Variants in BRCA2 observed in about 807,000 individuals in gnomAD.
BRCA2 encodes the protein breast cancer type 2 susceptibility protein.
Under a neutral mutation model 276.7 loss-of-function variants are expected in BRCA2, and 203 were observed. The ratio of observed to expected loss-of-function variants is 0.73; its 90% confidence interval spans 0.65 to 0.82. The LOEUF is 0.82. Ranked by LOEUF, BRCA2 falls within the 40% of genes least tolerant of loss-of-function variation. The pLI is 0.00. For missense variants in BRCA2, 3,920 were observed against 3,915.0 expected (o/e 1.00, Z -0.03); for synonymous variants, 1,289 against 1,338.4 (o/e 0.96, Z 0.81).
chr13:32,387,438 C>T (rs570300726), intron 24 of BRCA2, among the ~76,000 whole-genome samples: 1 of 152,260 alleles, frequency 6.6e-6, no homozygotes, highest in African/African-American at 2.4e-5. Context: ...GTCACGCCCG[C>T]ATAAGGGCCA....
intron 13 of BRCA2, among the ~76,000 whole-genome samples, chr13:32,352,037 G>T (rs1191239023): frequency 6.6e-6 from 1 of 152,016 alleles, no homozygotes; most frequent in Non-Finnish European, 1.5e-5. Context: ...TCCTGACCTC[G>T]TGATCCGCCC....
rs763472879 is a variant in BRCA2 at position 32,398,807 on chromosome 13, A to T, written c.*37A>T. 6.2e-7 allele frequency: 1 copy of T among 1,606,856 alleles called. No homozygotes were observed. Among genetic ancestry groups the T allele is most frequent in the East Asian group, 2.2e-5 (1 of 44,780 alleles). On this transcript the variant is annotated 3_prime_UTR_variant, in exon 27 of 27. Coordinates refer to ENST00000380152, the MANE Select transcript of BRCA2 (RefSeq NM_000059.4). ...GGCGACAATAAATTATTGACGCTTA[A>T]CCTTTCCAGTTTATAAGACTGGAAT... is the stretch of plus-strand genomic sequence containing the variant.
chr13:32,328,535 T>C (rs1406136676), intron 7 of BRCA2, among the ~76,000 whole-genome samples: 2 of 152,206 alleles, frequency 1.3e-5, no homozygotes, highest in African/African-American at 4.8e-5. Flanking sequence ...GGCCAGATCA[T>C]TGTTTCTCAA....
intron 24 of BRCA2, among the ~76,000 whole-genome samples, chr13:32,383,004 C>T (rs553615476): frequency 6.6e-6 from 1 of 152,260 alleles, no homozygotes; most frequent in East Asian, 1.9e-4. Context: ...TTGTGGCAGA[C>T]CTCTTTTGAT....
At position 32,339,330 on chromosome 13, in the gene BRCA2, T is replaced by C; in HGVS notation, c.4975T>C (p.Ser1659Pro). Residue 1659 changes from serine to proline, a missense_variant, in exon 11 of 27, where the codon TCC becomes CCC. Around this residue, in one of 2 missense-constraint regions of BRCA2, gnomAD observed 3,263 missense variants for 3,156.9 expected, o/e 1.03. Coordinates refer to ENST00000380152, the MANE Select transcript of BRCA2 (RefSeq NM_000059.4). ...KSPATCYTNQ[S>P]PYSVIENSAL... ...TCCTGCAACTTGTTACACAAATCAG[T>C]CCCCTTATTCAGTCATTGAAAATTC... The C allele has an allele frequency of 6.3e-7, 1 of 1,592,396 alleles. No homozygotes were observed. The highest frequency in any genetic ancestry group is 1.4e-5 in the African/African-American group (1 of 73,724).
intron 11 of BRCA2, among the ~76,000 whole-genome samples, chr13:32,341,658 A>C (rs2072571209): frequency 1.3e-5 from 2 of 152,068 alleles, no homozygotes; most frequent in Non-Finnish European, 2.9e-5. Flanking sequence ...CGAGGTCAGG[A>C]GATCGAGACC....
At chr13:32,396,855 G>A (rs2137658471) in intron 25 of BRCA2, 43 bp from the exon 26 acceptor site, 1 of 1,610,070 alleles carries the variant, frequency 6.2e-7, no homozygotes, top group East Asian at 2.2e-5. Flanking sequence ...ATAAATATGT[G>A]GGTTTGCAAT....
chr13:32,319,101 G>A lies in BRCA2; in HGVS notation c.92G>A (p.Trp31Ter), dbSNP rs397508045. 1.9e-6 allele frequency: 3 copies of A among 1,612,072 alleles called. No individual in the cohort carries two copies. In the South Asian group the frequency reaches 3.3e-5, roughly 18 times the overall value. The change falls in exon 3 of 27, where the codon TGG becomes TAG. Residue 31 changes from tryptophan (W) to a stop codon, truncating the protein, a stop_gained. Coordinates refer to ENST00000380152, the MANE Select transcript of BRCA2 (RefSeq NM_000059.4). LOFTEE classifies it high-confidence loss of function. The stretch of plus-strand genomic sequence containing the variant: ...GATTTAGGACCAATAAGTCTTAATT[G>A]GTTTGAAGAACTTTCTTCAGAAGCT... ...KADLGPISLN[W>*]FEELSSEAPP...
At chr13:32,331,077 T>C (rs2137462590) in intron 9 of BRCA2, 47 bp downstream of exon 9, 1 of 1,410,450 alleles carries the variant, frequency 7.1e-7, no homozygotes, top group Non-Finnish European at 9.9e-7. Context: ...GTTGTTGTTG[T>C]TTTGATTTTT....
At position 32,337,531 on chromosome 13, in the gene BRCA2, T is replaced by G. The variant is rs1064793927; in HGVS notation, c.3176T>G (p.Leu1059Arg). The G allele has an allele frequency of 3.1e-6, 5 of 1,607,410 alleles. No individual in the cohort carries two copies. The African/African-American group carries it at 5.4e-5, about 17-fold the overall frequency. The change falls in exon 11 of 27, where the codon CTG (leucine) becomes CGG (arginine). Residue 1059 changes from leucine (L) to arginine (R), a missense_variant. Leu to Arg is a moderately radical substitution (Grantham distance 102). Around this residue, in one of 2 missense-constraint regions of BRCA2, gnomAD observed 3,263 missense variants for 3,156.9 expected, o/e 1.03. Coordinates refer to ENST00000380152, the MANE Select transcript of BRCA2 (RefSeq NM_000059.4). ...NTLALDNQKK[L>R]SKPQSINTVS... ...TTGGCATTAGATAATCAAAAGAAAC[T>G]GAGCAAGCCTCAGTCAATTAATACT... is the stretch of plus-strand genomic sequence containing the variant.
intron 24 of BRCA2, among the ~76,000 whole-genome samples, chr13:32,394,475 A>G (rs568652396): frequency 6.6e-6 from 1 of 152,316 alleles, no homozygotes; most frequent in East Asian, 1.9e-4. Context: ...ACCTCAGTAA[A>G]AGAATGTGTT....
chr13:32,357,434 TGAACTTAA>T (rs1368217027), intron 15 of BRCA2, among the ~76,000 whole-genome samples: 1 of 152,258 alleles, frequency 6.6e-6, no homozygotes, highest in East Asian at 1.9e-4. Flanking sequence ...TCTAAGTTTT[TGAACTTAA>T]GAGATTTTGT....
Position 32,397,032 on chromosome 13 carries a change from A to T in BRCA2, c.9636A>T (p.Gly3212=), listed in dbSNP as rs1430263973. The T allele has an allele frequency of 6.2e-7, 1 of 1,613,990 alleles. No homozygotes were observed. Among genetic ancestry groups the T allele is most frequent in the Non-Finnish European group, 8.5e-7 (1 of 1,179,964 alleles). The part of the protein sequence containing the change: ...PYTAQIIPGT[G]NKLLMSSPNC... ...CTGCTCAAATCATTCCTGGTACAGG[A>T]AACAAGCTTCTGGTAAGTTAATGTA... is the stretch of plus-strand genomic sequence containing the variant. Residue 3212 remains glycine (G), a synonymous_variant, in exon 26 of 27, where the codon GGA becomes GGT. Transcript: ENST00000380152.
chr13:32,367,423 C>T (rs1334755813), intron 18 of BRCA2, among the ~76,000 whole-genome samples: 3 of 150,758 alleles, frequency 2.0e-5, no homozygotes, highest in South Asian at 4.2e-4. Context: ...GGTGACAGAG[C>T]GAGACTCCAT....
intron 13 of BRCA2, among the ~76,000 whole-genome samples, chr13:32,349,244 G>A (rs1593914476): frequency 6.8e-6 from 1 of 148,096 alleles, no homozygotes; most frequent in Middle Eastern, 3.5e-3. Context: ...AAAAAAGATG[G>A]TGAATTGAAC....
At chr13:32,392,749 G>C (rs1044089107) in intron 24 of BRCA2, among the ~76,000 whole-genome samples, 4 of 152,032 alleles carry the variant, frequency 2.6e-5, no homozygotes, top group African/African-American at 9.7e-5. Flanking sequence ...AAAGTTAATA[G>C]TGGTATAATT....
rs3092990 is a variant in BRCA2 at position 32,364,618 on chromosome 13, C to CT, written c.8331+1086dup. On this transcript the variant is annotated intron_variant, in intron 18 of 26. Coordinates refer to ENST00000380152, the MANE Select transcript of BRCA2 (RefSeq NM_000059.4). ...TTTTTGCAATTTAATACCTAATCGA[C>CT]TGTGATCACATTTCCTTTCTTTACA... is the stretch of plus-strand genomic sequence containing the variant. 0.22 allele frequency among the ~76,000 whole-genome samples: 34,135 copies of CT among 152,130 alleles called. 4,296 individuals are homozygous for CT. The highest frequency in any genetic ancestry group is 0.3 in the Middle Eastern group (88 of 294).
chr13:32,318,560 G>T (rs888714164), intron 2 of BRCA2, among the ~76,000 whole-genome samples: 2 of 152,042 alleles, frequency 1.3e-5, no homozygotes, highest in African/African-American at 4.8e-5. Flanking sequence ...TCCTGTGGCA[G>T]CCTCCGGAGT....
chr13:32,391,233 A>G (rs1428217545), intron 24 of BRCA2, among the ~76,000 whole-genome samples: 6 of 152,226 alleles, frequency 3.9e-5, no homozygotes, highest in African/African-American at 1.4e-4. Context: ...CCTGGGAAAC[A>G]GACTTACAGA....
Sources: allele counts gnomAD v4.1 joint callset (sites outside exome capture counted in the v4.1 genomes callset), GRCh38; gene constraint gnomAD v4.1.1; regional missense constraint gnomAD v4.1.1; transcripts MANE v1.5; gene names NCBI Gene and HGNC (gene_info 2026-07-23, HGNC 2026-07-21).